The following DNER variants were observed in gnomAD, a reference collection of about 807,000 sequenced individuals.
DNER encodes delta and Notch-like epidermal growth factor-related receptor.
In DNER, 33 loss-of-function variants were observed where a neutral mutation model predicts 78.2. The observed-to-expected ratio is 0.42, with a 90% CI of 0.32 to 0.56. The LOEUF is 0.56. Among genes scored for constraint, DNER ranks in the 20% least tolerant of loss-of-function variants. The pLI is 0.11. For synonymous variants in DNER, 417 were observed against 384.8 expected, an observed-to-expected ratio of 1.08 and a Z score of -0.98; for missense variants, 918 against 975.3, an observed-to-expected ratio of 0.94 and a Z score of 0.78.
chr2:229,659,567 C>G (rs539299191), intron 1 of DNER, among the ~76,000 whole-genome samples: 6 of 152,234 alleles, frequency 3.9e-5, no homozygotes, highest in African/African-American at 1.4e-4. Flanking sequence ...CCTCTGAGAT[C>G]TGGTCTCCAT....
Position 229,586,807 on chromosome 2 carries a change from CA to C in DNER, c.681-784del. Reference sequence around the variant, plus strand: ...CATCCCAACAGCTGCCCATTCTCCCCAGTGCTCCTGGAGAAGATCACAGTAG... The same window carrying C: ...CATCCCAACAGCTGCCCATTCTCCCCGTGCTCCTGGAGAAGATCACAGTAG... On this transcript the variant is annotated intron_variant, in intron 3 of 12. Coordinates refer to ENST00000341772, the MANE Select transcript of DNER (RefSeq NM_139072.4). 3 of 985,974 alleles carry C rather than the reference CA, an allele frequency of 3.0e-6. No individual in the cohort carries two copies. The South Asian group carries it at 1.4e-4, about 46-fold the overall frequency. The allele number at this position is 985,974 out of a possible 1,614,324, so 61.1% of individuals were successfully genotyped here. A position where few individuals can be genotyped will look rare whatever the true frequency, so the allele number is the denominator to read the frequency against.
At chr2:229,393,353 G>A (rs1324360056) in intron 10 of DNER, among the ~76,000 whole-genome samples, 2 of 152,042 alleles carry the variant, frequency 1.3e-5, no homozygotes, top group Admixed American at 1.3e-4. Flanking sequence ...TTGAACTAGG[G>A]ATGCAGAGGT....
At chr2:229,662,371 A>C (rs769834072) in intron 1 of DNER, among the ~76,000 whole-genome samples, 4 of 152,204 alleles carry the variant, frequency 2.6e-5, no homozygotes, top group African/African-American at 9.6e-5. Flanking sequence ...ATCCCAAGGG[A>C]GTACTCATTA....
At chr2:229,375,419 A>T (rs536209826) in intron 11 of DNER, among the ~76,000 whole-genome samples, 1 of 152,184 alleles carries the variant, frequency 6.6e-6, no homozygotes, top group East Asian at 1.9e-4. Context: ...TATCAACCAC[A>T]AAACTCCACA....
intron 1 of DNER, among the ~76,000 whole-genome samples, chr2:229,618,661 A>G (rs925345352): frequency 5.3e-5 from 8 of 152,234 alleles, no homozygotes; most frequent in African/African-American, 1.9e-4. Flanking sequence ...GTTATGTTGC[A>G]CATTTCATAC....
rs190600721 is a variant in DNER at position 229,477,307 on chromosome 2, G to A, written c.1148-54C>T. The stretch of plus-strand genomic sequence containing the variant: ...AAATAAGCTCTTCCAGACCCACCAT[G>A]AGCCACTCTAGGAATTGATGGATTC... On this transcript the variant is annotated intron_variant, in intron 6 of 12. Transcript: ENST00000341772. 1,108 of 1,367,344 alleles carry A rather than the reference G, an allele frequency of 8.1e-4. 7 individuals carry two copies. The African/African-American group carries it at 0.014, about 18-fold the overall frequency. 84.7% of individuals were successfully genotyped at this position (1,367,344 alleles called of 1,614,324 possible). A position where few individuals can be genotyped will look rare whatever the true frequency, so the allele number is the denominator to read the frequency against.
chr2:229,707,180 A>ATTTTTTTTTTTTTTTTTTTTTTTTTT, intron 1 of DNER, among the ~76,000 whole-genome samples: 1 of 94,610 alleles, frequency 1.1e-5, no homozygotes. Context: ...CGGCTGGCTA[A>ATTTTTTTTTTTTTTTTTTTTTTTTTT]TTTTTTTTTT....
At chr2:229,426,440 C>CAAAAA (rs58842918) in intron 8 of DNER, among the ~76,000 whole-genome samples, 35 of 69,164 alleles carry the variant, frequency 5.1e-4, no homozygotes, top group East Asian at 1.1e-3. Context: ...GACTCCATCT[C>CAAAAA]AAAAAAAAAA....
chr2:229,429,496 G>T (rs1268855308), intron 8 of DNER, among the ~76,000 whole-genome samples: 1 of 152,172 alleles, frequency 6.6e-6, no homozygotes, highest in Non-Finnish European at 1.5e-5. Flanking sequence ...CACAATGCCT[G>T]GCGTAAGCAC....
In DNER at chr2:229,407,258, G is replaced by C. The variant is rs376450963; in HGVS notation, c.1697C>G (p.Thr566Arg). ...TGTAAACCCGGGTGCACAGATGCACGTGCCATTCAGGCCGTCGCTGTCACA... is the reference window on the plus strand; with the variant it reads ...TGTAAACCCGGGTGCACAGATGCACCTGCCATTCAGGCCGTCGCTGTCACA... ...ATCDSDGLNG[T>R]CICAPGFTGE... The change falls in exon 10 of 13, where the codon ACG (threonine) becomes AGG (arginine). Residue 566 changes from threonine (T) to arginine (R), a missense_variant. Coordinates refer to ENST00000341772, the MANE Select transcript of DNER (RefSeq NM_139072.4). The C allele has an allele frequency of 6.2e-7, 1 of 1,613,266 alleles. No homozygotes were observed. Among genetic ancestry groups the C allele is most frequent in the Non-Finnish European group, 8.5e-7 (1 of 1,179,396 alleles).
At chr2:229,470,191 A>T (rs1416007768) in intron 7 of DNER, among the ~76,000 whole-genome samples, 1 of 152,224 alleles carries the variant, frequency 6.6e-6, no homozygotes, top group Non-Finnish European at 1.5e-5. Flanking sequence ...TTAGAAATCA[A>T]AATTTATGTT....
chr2:229,397,850 CTT>C, intron 10 of DNER, among the ~76,000 whole-genome samples: 1 of 151,994 alleles, frequency 6.6e-6, no homozygotes. Flanking sequence ...ACAACATAAA[CTT>C]TGTGAGATAC....
At chr2:229,533,500 T>C (rs116366210) in intron 5 of DNER, among the ~76,000 whole-genome samples, 24 of 152,266 alleles carry the variant, frequency 1.6e-4, no homozygotes, top group African/African-American at 5.1e-4. Context: ...ACCTCGAATG[T>C]CCTTGATGCG....
chr2:229,581,733 C>A (rs2154214319), intron 4 of DNER, among the ~76,000 whole-genome samples: 1 of 152,274 alleles, frequency 6.6e-6, no homozygotes, highest in South Asian at 2.1e-4. Context: ...GAATGTAGAA[C>A]ATTAGGCTCT....
At chr2:229,425,880 G>A (rs1203842743) in intron 8 of DNER, among the ~76,000 whole-genome samples, 3 of 152,162 alleles carry the variant, frequency 2.0e-5, no homozygotes, top group African/African-American at 4.8e-5. Context: ...CCAGGGGGAG[G>A]TCATGCCACT....
At chr2:229,522,373 C>T (rs145543908) in intron 5 of DNER, among the ~76,000 whole-genome samples, 10 of 152,342 alleles carry the variant, frequency 6.6e-5, no homozygotes, top group Non-Finnish European at 1.3e-4. Flanking sequence ...ATACAATTTA[C>T]ATGTAATCAG....
intron 5 of DNER, 139 bp from the exon 6 acceptor site, chr2:229,513,075 T>G: frequency 1.0e-6 from 1 of 970,070 alleles, no homozygotes; most frequent in Non-Finnish European, 1.5e-6. Flanking sequence ...CATAATCTAG[T>G]TGAAATCATC....
At chr2:229,420,852 C>T (rs1267978558) in intron 8 of DNER, among the ~76,000 whole-genome samples, 3 of 152,156 alleles carry the variant, frequency 2.0e-5, no homozygotes, top group Non-Finnish European at 4.4e-5. Flanking sequence ...CTATGAAAAA[C>T]TACAGAGGTT....
At chr2:229,704,043 A>G (rs1417047214) in intron 1 of DNER, among the ~76,000 whole-genome samples, 1 of 152,246 alleles carries the variant, frequency 6.6e-6, no homozygotes, top group Non-Finnish European at 1.5e-5. Context: ...CTCAGAACTC[A>G]TTTGAATAGA....
Sources: allele counts gnomAD v4.1 joint callset (sites outside exome capture counted in the v4.1 genomes callset), GRCh38; gene constraint gnomAD v4.1.1; transcripts MANE v1.5; gene names NCBI Gene and HGNC (gene_info 2026-07-23, HGNC 2026-07-21).